The following AJAP1 variants were observed in gnomAD, a reference collection of about 807,000 sequenced individuals.
AJAP1 encodes the protein adherens junctions associated protein 1, also known as adherens junction-associated protein 1.
Under a neutral mutation model 35.0 loss-of-function variants are expected in AJAP1, and 5 were observed. The observed-to-expected ratio is 0.14, with a 90% CI of 0.07 to 0.30. AJAP1 has a LOEUF of 0.30. Among genes scored for constraint, AJAP1 ranks in the 10% least tolerant of loss-of-function variants. The probability of loss-of-function intolerance (pLI) is 1.00; values close to 1 mark genes in which losing one functional copy is unlikely to be tolerated. For synonymous variants in AJAP1, 284 were observed against 249.3 expected (o/e 1.14, Z -1.31); for missense variants, 586 against 571.0 (o/e 1.03, Z -0.27).
At chr1:4,750,882 A>G (rs921114319) in intron 2 of AJAP1, among the ~76,000 whole-genome samples, 1 of 146,888 alleles carries the variant, frequency 6.8e-6, no homozygotes, top group African/African-American at 2.5e-5. Flanking sequence ...GGCATACTAG[A>G]TGGAACTGCC....
At chr1:4,683,296 A>G (rs1639528626) in intron 1 of AJAP1, among the ~76,000 whole-genome samples, 3 of 152,238 alleles carry the variant, frequency 2.0e-5, no homozygotes, top group African/African-American at 7.2e-5. Context: ...AGATCAGCTG[A>G]TAGTCTCACT....
rs969826494 is a variant in AJAP1 at position 4,754,548 on chromosome 1, C to G, written c.830-15305C>G. Among the ~76,000 whole-genome samples the G allele has an allele frequency of 2.0e-5, 3 of 152,212 alleles. No individual in the cohort carries two copies. In the South Asian group the frequency reaches 6.2e-4, roughly 32 times the overall value. Reference sequence around the variant, plus strand: ...AAGCTTCCCAGACCATGGATGGCTTCCTGGCCTCAAGCAGCTGCCACTTTG... The same window carrying G: ...AAGCTTCCCAGACCATGGATGGCTTGCTGGCCTCAAGCAGCTGCCACTTTG... On this transcript the variant is annotated intron_variant, in intron 2 of 5. Transcript: ENST00000378191.
intron 1 of AJAP1, among the ~76,000 whole-genome samples, chr1:4,673,559 C>T (rs758198692): frequency 3.9e-5 from 6 of 152,188 alleles, no homozygotes; most frequent in Non-Finnish European, 7.3e-5. Context: ...CAGCTCTGCT[C>T]CAGCATGGGA....
chr1:4,726,168 A>C (rs2100290744), intron 2 of AJAP1, among the ~76,000 whole-genome samples: 1 of 151,858 alleles, frequency 6.6e-6, no homozygotes, highest in African/African-American at 2.4e-5. Context: ...CAGGCCCTGA[A>C]TCCTGCAGAG....
At chr1:4,735,229 G>A (rs1640891801) in intron 2 of AJAP1, among the ~76,000 whole-genome samples, 1 of 152,210 alleles carries the variant, frequency 6.6e-6, no homozygotes, top group African/African-American at 2.4e-5. Flanking sequence ...AAAGCATACT[G>A]GGCTGAAGTC....
In AJAP1 at chr1:4,789,096, G is replaced by A. The variant is rs905662949; in HGVS notation, c.*6611G>A. The A allele has an allele frequency of 1.3e-5, 2 of 152,166 alleles. No individual in the cohort carries two copies. The highest frequency in any genetic ancestry group is 4.8e-5 in the African/African-American group (2 of 41,422). 9.4% of individuals were successfully genotyped at this position (152,166 alleles called of 1,614,324 possible). A position where few individuals can be genotyped will look rare whatever the true frequency, so the allele number is the denominator to read the frequency against. On this transcript the variant is annotated 3_prime_UTR_variant, in exon 6 of 6. Transcript: ENST00000378191. The surrounding 1 kb of genome is among the most constrained non-coding windows in gnomAD (Gnocchi z 4.4). ...AGCCGTAAATCTGAGTCATATATAA[G>A]AGGCATAATATAAATTGGGCCAAGC...
At chr1:4,781,064 T>C (rs750471608) in intron 5 of AJAP1, among the ~76,000 whole-genome samples, 1 of 152,188 alleles carries the variant, frequency 6.6e-6, no homozygotes, top group African/African-American at 2.4e-5. Flanking sequence ...GAGTAGACTC[T>C]GGCACACTGA....
intron 2 of AJAP1, among the ~76,000 whole-genome samples, chr1:4,713,547 CT>C (rs1640316778): frequency 6.6e-6 from 1 of 152,236 alleles, no homozygotes; most frequent in African/African-American, 2.4e-5. Flanking sequence ...GGGCTTGTCC[CT>C]GAACTGGTAG....
intron 2 of AJAP1, among the ~76,000 whole-genome samples, chr1:4,749,361 C>T (rs187208381): frequency 6.6e-6 from 1 of 152,332 alleles, no homozygotes; most frequent in East Asian, 1.9e-4. Context: ...GCCTTTACAT[C>T]AGCAAAATCA....
intron 2 of AJAP1, among the ~76,000 whole-genome samples, chr1:4,755,846 A>C (rs1641417989): frequency 6.6e-6 from 1 of 151,958 alleles, no homozygotes; most frequent in African/African-American, 2.4e-5. Context: ...GACTAGGAGG[A>C]AACACTGGAG....
intron 1 of AJAP1, among the ~76,000 whole-genome samples, chr1:4,681,222 C>T (rs1056253015): frequency 7.2e-5 from 11 of 152,216 alleles, no homozygotes; most frequent in Admixed American, 5.2e-4. Context: ...GCTAAATGCC[C>T]GCAGTGTTTG....
intron 2 of AJAP1, among the ~76,000 whole-genome samples, chr1:4,769,232 C>CT (rs1452273382): frequency 6.6e-6 from 1 of 152,170 alleles, no homozygotes; most frequent in African/African-American, 2.4e-5. Context: ...ATTCCTGGAA[C>CT]CTTGTGAAGC....
At chr1:4,736,713 A>G (rs867904591) in intron 2 of AJAP1, among the ~76,000 whole-genome samples, 1 of 152,218 alleles carries the variant, frequency 6.6e-6, no homozygotes, top group South Asian at 2.1e-4. Flanking sequence ...ATATGTATTT[A>G]TTGAATAAGC....
intron 1 of AJAP1, among the ~76,000 whole-genome samples, chr1:4,675,792 A>G (rs895265686): frequency 3.9e-5 from 6 of 152,186 alleles, no homozygotes; most frequent in Non-Finnish European, 8.8e-5. Context: ...ACATTATTCT[A>G]CAGTTGATAA....
chr1:4,683,104 G>T (rs963400182), intron 1 of AJAP1, among the ~76,000 whole-genome samples: 1 of 152,240 alleles, frequency 6.6e-6, no homozygotes, highest in African/African-American at 2.4e-5. Flanking sequence ...GATGGTGGGG[G>T]TTCAAATTTG....
intron 2 of AJAP1, among the ~76,000 whole-genome samples, chr1:4,739,604 G>A (rs1157525316): frequency 6.6e-6 from 1 of 152,226 alleles, no homozygotes; most frequent in Admixed American, 6.5e-5. Context: ...TTTCACACGA[G>A]CTGTTGGTAT....
At chr1:4,698,620 C>G (rs2100240189) in intron 1 of AJAP1, among the ~76,000 whole-genome samples, 1 of 152,326 alleles carries the variant, frequency 6.6e-6, no homozygotes, top group South Asian at 2.1e-4. Context: ...GGCCTCCTCC[C>G]CTGGCCACCT....
chr1:4,730,065 G>A (rs1640763409), intron 2 of AJAP1, among the ~76,000 whole-genome samples: 1 of 152,176 alleles, frequency 6.6e-6, no homozygotes, highest in African/African-American at 2.4e-5. Flanking sequence ...TAAAGAAACA[G>A]GCGTTCAGTA....
intron 1 of AJAP1, among the ~76,000 whole-genome samples, chr1:4,683,854 G>A (rs1639542139): frequency 1.3e-5 from 2 of 152,190 alleles, no homozygotes; most frequent in South Asian, 4.1e-4. Flanking sequence ...CAGGTGCAGT[G>A]TTAGACGGTC....
Sources: gnomAD v4.1 joint callset for allele counts (sites outside exome capture counted in the v4.1 genomes callset) on GRCh38, gnomAD v4.1.1 for gene constraint, Gnocchi (gnomAD v3.1) non-coding constraint, MANE v1.5 for transcripts, NCBI Gene and HGNC (gene_info 2026-07-23, HGNC 2026-07-21) for gene names.